The following FSTL5 variants were observed in gnomAD, a reference collection of about 807,000 sequenced individuals.
FSTL5 encodes follistatin like 5, also known as follistatin-related protein 5.
In FSTL5, 62 loss-of-function variants were observed where a neutral mutation model predicts 89.1. The ratio of observed to expected loss-of-function variants is 0.70; its 90% CI spans 0.57 to 0.86. FSTL5 has a LOEUF of 0.86. FSTL5 is among the 40% of genes least tolerant of loss of function. The pLI is 0.00. For missense variants in FSTL5, 1,057 were observed against 1,001.6 expected, an observed-to-expected ratio of 1.06 and a Z score of -0.75; for synonymous variants, 383 against 346.2, an observed-to-expected ratio of 1.11 and a Z score of -1.18.
chr4:161,442,217 C>T (rs1732798035), intron 15 of FSTL5, among the ~76,000 whole-genome samples: 1 of 151,222 alleles, frequency 6.6e-6, no homozygotes. Context: ...CCTAATTCAC[C>T]GTTTGCTCAA....
At chr4:161,950,369 T>C (rs2067907) in intron 3 of FSTL5, among the ~76,000 whole-genome samples, 49,743 of 152,082 alleles carry the variant, frequency 0.33, 9,805 homozygotes, top group Non-Finnish European at 0.43. Flanking sequence ...CTTTTTCTGT[T>C]CTGCTGTCCT....
At chr4:162,094,453 C>G (rs1368628905) in intron 2 of FSTL5, among the ~76,000 whole-genome samples, 1 of 152,026 alleles carries the variant, frequency 6.6e-6, no homozygotes, top group Non-Finnish European at 1.5e-5. Context: ...AGTGCCAAAC[C>G]AGAAACAACC....
At chr4:162,094,637 A>G (rs941292957) in intron 2 of FSTL5, among the ~76,000 whole-genome samples, 2 of 152,192 alleles carry the variant, frequency 1.3e-5, no homozygotes, top group Non-Finnish European at 2.9e-5. Flanking sequence ...GTAGGATTCT[A>G]TTTATTCCAT....
intron 4 of FSTL5, among the ~76,000 whole-genome samples, chr4:161,905,438 A>G (rs1223092001): frequency 6.6e-6 from 1 of 152,186 alleles, no homozygotes; most frequent in Non-Finnish European, 1.5e-5. Flanking sequence ...ATTAAAAAAT[A>G]TCACTATAAA....
In FSTL5 at chr4:161,402,752, G is replaced by A. The variant is rs538511683; in HGVS notation, c.1842-16303C>T. 1.8e-4 allele frequency among the ~76,000 whole-genome samples: 28 copies of A among 151,874 alleles called. No homozygotes were observed. The South Asian group carries it at 5.8e-3, about 32-fold the overall frequency. On this transcript the variant is annotated intron_variant, in intron 15 of 15. Transcript: ENST00000306100. ...ATTTACTATACAATCATAGGCAAGT[G>A]ATTTAGCTCTTCTTTGAACCCCATT...
chr4:161,718,463 C>G (rs1332718757), intron 6 of FSTL5, among the ~76,000 whole-genome samples: 9 of 151,858 alleles, frequency 5.9e-5, no homozygotes, highest in African/African-American at 2.2e-4. Flanking sequence ...GAGTCTCACT[C>G]TGTCACCCAG....
intron 15 of FSTL5, among the ~76,000 whole-genome samples, chr4:161,440,313 C>T (rs73858486): frequency 0.068 from 10,359 of 151,998 alleles, 628 homozygotes; most frequent in East Asian, 0.22. Context: ...TCCTACACCA[C>T]TGTGTCCAAA....
At chr4:161,464,680 T>C (rs1451028279) in intron 13 of FSTL5, among the ~76,000 whole-genome samples, 1 of 152,194 alleles carries the variant, frequency 6.6e-6, no homozygotes, top group Non-Finnish European at 1.5e-5. Context: ...AATAGTATTC[T>C]CAATTTATAA....
Position 161,484,867 on chromosome 4 carries a change from G to T in FSTL5, c.1459-3698C>A, listed in dbSNP as rs116159905. Among the ~76,000 whole-genome samples, 525 of 152,246 alleles carry T rather than the reference G, an allele frequency of 3.4e-3. 3 individuals are homozygous for T. The highest frequency in any genetic ancestry group is 0.011 in the African/African-American group (473 of 41,556). On this transcript the variant is annotated intron_variant, in intron 12 of 15. Coordinates refer to ENST00000306100, the MANE Select transcript of FSTL5 (RefSeq NM_020116.5). ...TTAGACACTTGATTTGTCATAAAAG[G>T]TTCTTTCATTCTTGCAAGGCAGAGA...
At chr4:161,792,755 C>G (rs1278206495) in intron 4 of FSTL5, among the ~76,000 whole-genome samples, 3 of 152,180 alleles carry the variant, frequency 2.0e-5, no homozygotes, top group Non-Finnish European at 4.4e-5. Flanking sequence ...AATTCTGCTG[C>G]TGCTCAGTGA....
At chr4:161,708,792 A>T (rs1738674439) in intron 6 of FSTL5, among the ~76,000 whole-genome samples, 1 of 152,146 alleles carries the variant, frequency 6.6e-6, no homozygotes, top group Admixed American at 6.6e-5. Flanking sequence ...TTTGCCTGCC[A>T]GGCACAAATG....
chr4:162,152,243 G>T (rs72988804), intron 1 of FSTL5, among the ~76,000 whole-genome samples: 8,054 of 152,214 alleles, frequency 0.053, 457 homozygotes, highest in African/African-American at 0.13. Context: ...GACTTTAAAT[G>T]CAAAGCATTT....
intron 1 of FSTL5, among the ~76,000 whole-genome samples, chr4:162,137,643 A>G (rs1359621584): frequency 6.6e-6 from 1 of 152,152 alleles, no homozygotes; most frequent in Admixed American, 6.6e-5. Flanking sequence ...CTTCTTTGGC[A>G]GTAGACATTT....
At chr4:161,858,314 C>T (rs1307578951) in intron 4 of FSTL5, among the ~76,000 whole-genome samples, 1 of 152,136 alleles carries the variant, frequency 6.6e-6, no homozygotes, top group African/African-American at 2.4e-5. Context: ...GCCACCCAGG[C>T]TATGGTATTT....
At chr4:162,097,835 G>A (rs553749707) in intron 2 of FSTL5, among the ~76,000 whole-genome samples, 86 of 151,944 alleles carry the variant, frequency 5.7e-4, no homozygotes, top group African/African-American at 2.0e-3. Context: ...CAAAAATGTG[G>A]ACCACCTGGA....
chr4:161,573,505 G>A lies in FSTL5; in HGVS notation c.1015+13950C>T, dbSNP rs1354254827. On this transcript the variant is annotated intron_variant, in intron 8 of 15. Transcript: ENST00000306100. ...TGTAATCCCAGCACTTTGGGAGGCC[G>A]AGGGTGGATCACCTGAGGTCGGGAG... Among the ~76,000 whole-genome samples the A allele has an allele frequency of 8.0e-5, 12 of 150,206 alleles. No individual in the cohort carries two copies. In the East Asian group the frequency reaches 9.8e-4, roughly 12 times the overall value.
chr4:161,942,341 T>C (rs1734611224), intron 3 of FSTL5, among the ~76,000 whole-genome samples: 1 of 151,880 alleles, frequency 6.6e-6, no homozygotes, highest in Non-Finnish European at 1.5e-5. Flanking sequence ...CCAAGTTGGT[T>C]CTTTGGAAAG....
chr4:162,119,210 G>A (rs1353275567), intron 1 of FSTL5, among the ~76,000 whole-genome samples: 1 of 149,052 alleles, frequency 6.7e-6, no homozygotes, highest in Non-Finnish European at 1.5e-5. Flanking sequence ...CTGGGCAACA[G>A]AGTGAGATCC....
intron 12 of FSTL5, among the ~76,000 whole-genome samples, chr4:161,492,236 C>T (rs1019462316): frequency 2.0e-5 from 3 of 152,080 alleles, no homozygotes; most frequent in Admixed American, 1.3e-4. Flanking sequence ...TTTCTCTCCC[C>T]TGCCTATCAC....
Sources: gnomAD v4.1 joint callset for allele counts (sites outside exome capture counted in the v4.1 genomes callset) on GRCh38, gnomAD v4.1.1 for gene constraint, MANE v1.5 for transcripts, NCBI Gene and HGNC (gene_info 2026-07-23, HGNC 2026-07-21) for gene names.